Variants in GNAO1 observed in about 807,000 individuals in gnomAD.
GNAO1 encodes G protein subunit alpha o1, also known as guanine nucleotide-binding protein G(o) subunit alpha.
For synonymous variants in GNAO1, 164 were observed against 180.7 expected (o/e 0.91, Z 0.74); for missense variants, 166 against 478.7 (o/e 0.35, Z 6.10).
chr16:56,334,587 G>A (rs2037722098), intron 4 of GNAO1, 142 bp from the exon 5 acceptor site: 1 of 846,482 alleles, frequency 1.2e-6, no homozygotes, highest in Non-Finnish European at 1.8e-6. Context: ...ACTCCCTATG[G>A]CCTGGAATGG....
At chr16:56,261,667 C>G (rs777337479) in intron 2 of GNAO1, among the ~76,000 whole-genome samples, 1 of 151,960 alleles carries the variant, frequency 6.6e-6, no homozygotes, top group African/African-American at 2.4e-5. Flanking sequence ...CAGCTGATCC[C>G]CGAAATGCCC....
chr16:56,268,594 AT>A (rs2036982080), intron 2 of GNAO1, among the ~76,000 whole-genome samples: 1 of 152,232 alleles, frequency 6.6e-6, no homozygotes, highest in South Asian at 2.1e-4. Context: ...ACAAGTATAC[AT>A]TTTTAAACAT....
chr16:56,208,446 TGTGCGC>T (rs768068682), intron 2 of GNAO1, among the ~76,000 whole-genome samples: 10 of 137,560 alleles, frequency 7.3e-5, no homozygotes, highest in East Asian at 2.4e-4. Context: ...TGTGTGTGTG[TGTGCGC>T]GCGCGCGCAC....
intron 6 of GNAO1, among the ~76,000 whole-genome samples, chr16:56,342,967 G>A (rs1345969083): frequency 2.6e-5 from 4 of 151,798 alleles, no homozygotes; most frequent in Admixed American, 1.3e-4. Flanking sequence ...GCAAAAATTA[G>A]TGGGGCGTGG....
intron 2 of GNAO1, among the ~76,000 whole-genome samples, chr16:56,251,004 G>C (rs1377008483): frequency 6.6e-6 from 1 of 152,142 alleles, no homozygotes; most frequent in African/African-American, 2.4e-5. Context: ...ATGAATATAA[G>C]GTGGCCCCAA....
chr16:56,192,929 C>G (rs1273449080), intron 2 of GNAO1: 1 of 298,556 alleles, frequency 3.3e-6, no homozygotes, highest in African/African-American at 2.1e-5. Context: ...ATTACTCTTG[C>G]TTGTGGAATA....
At chr16:56,352,021 A>G in intron 7 of GNAO1, 1 of 157,436 alleles carries the variant, frequency 6.4e-6, no homozygotes, top group Admixed American at 6.4e-5. Context: ...GGTGCCCGGA[A>G]CATGCTTCAT....
chr16:56,327,076 T>C (rs1230575723), intron 3 of GNAO1, among the ~76,000 whole-genome samples: 1 of 152,096 alleles, frequency 6.6e-6, no homozygotes, highest in Non-Finnish European at 1.5e-5. Flanking sequence ...GAGATGGTAA[T>C]ACTACAGCAA....
chr16:56,200,837 A>G (rs1282555952), intron 2 of GNAO1, among the ~76,000 whole-genome samples: 1 of 152,212 alleles, frequency 6.6e-6, no homozygotes, highest in Non-Finnish European at 1.5e-5. Context: ...AGTATTCCCT[A>G]GCAACCATCT....
At chr16:56,303,104 A>T (rs1010649268) in intron 3 of GNAO1, among the ~76,000 whole-genome samples, 3 of 152,118 alleles carry the variant, frequency 2.0e-5, no homozygotes, top group South Asian at 2.1e-4. Flanking sequence ...GGGTCGGTGG[A>T]GAAGGGTCGC....
chr16:56,212,840 T>A (rs1296254799), intron 2 of GNAO1, among the ~76,000 whole-genome samples: 1 of 152,220 alleles, frequency 6.6e-6, no homozygotes, highest in Non-Finnish European at 1.5e-5. Flanking sequence ...ACAGGTAGCT[T>A]CCAGATAAGA....
intron 3 of GNAO1, among the ~76,000 whole-genome samples, chr16:56,281,655 G>T (rs2037115763): frequency 6.7e-6 from 1 of 148,682 alleles, no homozygotes; most frequent in South Asian, 2.2e-4. Flanking sequence ...TATGTAAATT[G>T]TCTTCACCTT....
At chr16:56,300,457 C>T (rs1398172143) in intron 3 of GNAO1, among the ~76,000 whole-genome samples, 1 of 152,198 alleles carries the variant, frequency 6.6e-6, no homozygotes, top group Non-Finnish European at 1.5e-5. Context: ...TCACCGTGCT[C>T]CAGGCACTGT....
chr16:56,315,280 G>A (rs1307528657), intron 3 of GNAO1, among the ~76,000 whole-genome samples: 3 of 152,220 alleles, frequency 2.0e-5, no homozygotes, highest in Non-Finnish European at 2.9e-5. Flanking sequence ...AAGAGATGAG[G>A]TCGGCCATTA....
intron 3 of GNAO1, among the ~76,000 whole-genome samples, chr16:56,288,979 A>T (rs1010738393): frequency 6.6e-6 from 1 of 151,092 alleles, no homozygotes; most frequent in Non-Finnish European, 1.5e-5. Flanking sequence ...GCAGAACTTA[A>T]TTGCTAAGTT....
chr16:56,203,940 A>T (rs986809943), intron 2 of GNAO1, among the ~76,000 whole-genome samples: 1 of 152,154 alleles, frequency 6.6e-6, no homozygotes, highest in African/African-American at 2.4e-5. Flanking sequence ...AGTTTTTCTA[A>T]GGGGTATATA....
intron 2 of GNAO1, among the ~76,000 whole-genome samples, chr16:56,231,836 A>G (rs2036591077): frequency 6.6e-6 from 1 of 152,142 alleles, no homozygotes; most frequent in Non-Finnish European, 1.5e-5. Context: ...GAGGCTCAGT[A>G]TTCTCTCCAC....
intron 3 of GNAO1, among the ~76,000 whole-genome samples, chr16:56,316,031 G>A (rs1164097820): frequency 6.6e-6 from 1 of 151,900 alleles, no homozygotes; most frequent in Admixed American, 6.6e-5. Context: ...CTGCACTCCA[G>A]CCTGGGCAAC....
intron 2 of GNAO1, among the ~76,000 whole-genome samples, chr16:56,215,238 A>T (rs2036427575): frequency 6.6e-6 from 1 of 152,228 alleles, no homozygotes; most frequent in South Asian, 2.1e-4. Flanking sequence ...TCTTTTACAC[A>T]GGATGTCTGT....
Sources: allele counts gnomAD v4.1 joint callset (sites outside exome capture counted in the v4.1 genomes callset), GRCh38; gene constraint gnomAD v4.1.1; transcripts MANE v1.5; gene names NCBI Gene and HGNC (gene_info 2026-07-23, HGNC 2026-07-21).